Variants in NEXN observed in about 807,000 individuals in gnomAD.
NEXN encodes nexilin F-actin binding protein.
Under a neutral mutation model 92.6 loss-of-function variants are expected in NEXN, and 65 were observed. That is an observed-to-expected ratio of 0.70 (90% CI 0.57 to 0.86). NEXN has a LOEUF of 0.86. NEXN is among the 40% of genes least tolerant of loss of function. The pLI is 0.00. For missense variants in NEXN, 778 were observed against 771.1 expected, an observed-to-expected ratio of 1.01 and a Z score of -0.11; for synonymous variants, 254 against 242.5, an observed-to-expected ratio of 1.05 and a Z score of -0.44.
chr1:77,916,020 A>G (rs1648946417), intron 1 of NEXN, 35 bp from the exon 2 acceptor site: 6 of 734,976 alleles, frequency 8.2e-6, no homozygotes, highest in Non-Finnish European at 1.1e-5. Flanking sequence ...TTACAAATAA[A>G]TTAAAATTTA....
intron 9 of NEXN, among the ~76,000 whole-genome samples, chr1:77,930,458 C>A (rs1650199972): frequency 6.6e-6 from 1 of 152,148 alleles, no homozygotes; most frequent in Non-Finnish European, 1.5e-5. Flanking sequence ...TGCTTTCTTA[C>A]CTGTAACCTA....
Position 77,929,357 on chromosome 1 carries a change from T to A in NEXN, c.906T>A (p.Phe302Leu), listed in dbSNP as rs767740199. 7 of 1,613,568 alleles carry A rather than the reference T, an allele frequency of 4.3e-6. No individual in the cohort carries two copies. In the Admixed American group the frequency reaches 1.2e-4, roughly 27 times the overall value. Reference protein sequence around the residue: ...DEENQDTAKIFKGYRPGKLKL... With the variant: ...DEENQDTAKILKGYRPGKLKL... The stretch of plus-strand genomic sequence containing the variant: ...AAAACCAAGACACAGCAAAAATTTT[T>A]AAAGGGTACCGCCCTGGTAAACTCA... Residue 302 changes from phenylalanine to leucine, a missense_variant, in exon 9 of 13, where the codon TTT becomes TTA. By Grantham distance (22) the Phe-to-Leu change is conservative. Around this residue, in one of 3 missense-constraint regions of NEXN, gnomAD observed 532 missense variants for 476.7 expected, o/e 1.12. Coordinates refer to ENST00000334785, the MANE Select transcript of NEXN (RefSeq NM_144573.4).
At chr1:77,897,709 A>G (rs1470259943) in intron 1 of NEXN, among the ~76,000 whole-genome samples, 9 of 152,048 alleles carry the variant, frequency 5.9e-5, no homozygotes, top group Non-Finnish European at 1.3e-4. Flanking sequence ...AGGAAAAGAG[A>G]AAGTCAAATT....
intron 2 of NEXN, among the ~76,000 whole-genome samples, chr1:77,917,213 A>G (rs561570675): frequency 4.9e-4 from 74 of 152,324 alleles, no homozygotes; most frequent in Middle Eastern, 3.4e-3. Context: ...ATCAAATCTG[A>G]ATCTTTAATA....
intron 1 of NEXN, among the ~76,000 whole-genome samples, chr1:77,904,295 A>G (rs2102056119): frequency 6.6e-6 from 1 of 152,220 alleles, no homozygotes; most frequent in South Asian, 2.1e-4. Context: ...TCCTGGTGAT[A>G]TTTGGAATTT....
chr1:77,927,512 T>A (rs1199066383), intron 8 of NEXN, among the ~76,000 whole-genome samples: 1 of 152,118 alleles, frequency 6.6e-6, no homozygotes, highest in Non-Finnish European at 1.5e-5. Flanking sequence ...TTTGAACATA[T>A]CAAAATAACA....
intron 12 of NEXN, 53 bp from the exon 13 acceptor site, chr1:77,942,408 G>A (rs988741864): frequency 5.8e-5 from 91 of 1,571,786 alleles, no homozygotes; most frequent in Middle Eastern, 3.4e-4. Context: ...TTACTAAATC[G>A]CTGCCCTGAA....
chr1:77,938,072 G>A (rs1223982760), intron 11 of NEXN, among the ~76,000 whole-genome samples: 1 of 152,108 alleles, frequency 6.6e-6, no homozygotes, highest in African/African-American at 2.4e-5. Context: ...AGGGTATACA[G>A]TAACAATACG....
chr1:77,907,608 G>C (rs180784310), intron 1 of NEXN, among the ~76,000 whole-genome samples: 111 of 152,228 alleles, frequency 7.3e-4, no homozygotes, highest in Admixed American at 3.8e-3. Context: ...TGAGAGCTCA[G>C]AATACTAAAA....
intron 11 of NEXN, among the ~76,000 whole-genome samples, chr1:77,939,495 TAAAGA>T (rs768423826): frequency 2.0e-5 from 3 of 152,322 alleles, no homozygotes; most frequent in South Asian, 4.1e-4. Flanking sequence ...ACATGGAAGG[TAAAGA>T]AAAGTTCAAT....
chr1:77,904,663 T>G (rs1406976108), intron 1 of NEXN, among the ~76,000 whole-genome samples: 3 of 152,108 alleles, frequency 2.0e-5, no homozygotes, highest in Non-Finnish European at 4.4e-5. Flanking sequence ...CAGAGGAAAA[T>G]CAGGGAGTAA....
intron 6 of NEXN, among the ~76,000 whole-genome samples, chr1:77,925,683 A>G (rs1649788600): frequency 2.0e-5 from 3 of 152,150 alleles, no homozygotes; most frequent in Admixed American, 6.5e-5. Context: ...CAACCACAAA[A>G]ATTTTAGTCA....
At chr1:77,932,522 C>T (rs1353333213) in intron 9 of NEXN, among the ~76,000 whole-genome samples, 1 of 152,026 alleles carries the variant, frequency 6.6e-6, no homozygotes, top group Non-Finnish European at 1.5e-5. Context: ...ATGATTTTTG[C>T]CTGATTATGA....
At chr1:77,938,532 C>T (rs1650979032) in intron 11 of NEXN, among the ~76,000 whole-genome samples, 3 of 150,850 alleles carry the variant, frequency 2.0e-5, no homozygotes, top group Non-Finnish European at 4.4e-5. Flanking sequence ...GTCTATAGTC[C>T]CAGCTACTCA....
At position 77,918,389 on chromosome 1, in the gene NEXN, G is replaced by A. The variant is rs1649157037; in HGVS notation, c.447+116G>A. 2.4e-6 allele frequency: 3 copies of A among 1,236,692 alleles called. No homozygotes were observed. In the Admixed American group the frequency reaches 5.5e-5, roughly 23 times the overall value. 76.6% of individuals were successfully genotyped at this position (1,236,692 alleles called of 1,614,324 possible). A position where few individuals can be genotyped will look rare whatever the true frequency, so the allele number is the denominator to read the frequency against. ...TGTAACATAAACCTATTAAAAAGCA[G>A]CTAACCGTCTGGGAATGGTGGCTCA... On this transcript the variant is annotated intron_variant, in intron 5 of 12. Coordinates refer to ENST00000334785, the MANE Select transcript of NEXN (RefSeq NM_144573.4).
chr1:77,943,307 T>C lies in NEXN; in HGVS notation c.*478T>C, dbSNP rs1315451370. ...GAAGGAATGTCATTTCTGAGCTTTT[T>C]ACACCTAAAATTAGGCTGAAATAGC... is the stretch of plus-strand genomic sequence containing the variant. On this transcript the variant is annotated 3_prime_UTR_variant, in exon 13 of 13. Coordinates refer to ENST00000334785, the MANE Select transcript of NEXN (RefSeq NM_144573.4). 1.7e-5 allele frequency: 3 copies of C among 180,130 alleles called. No individual in the cohort carries two copies. Among genetic ancestry groups the C allele is most frequent in the African/African-American group, 7.2e-5 (3 of 41,588 alleles). The allele number at this position is 180,130 out of a possible 1,614,324, so 11.2% of individuals were successfully genotyped here.
At chr1:77,904,545 G>A (rs1647957991) in intron 1 of NEXN, among the ~76,000 whole-genome samples, 1 of 152,180 alleles carries the variant, frequency 6.6e-6, no homozygotes, top group Admixed American at 6.5e-5. Flanking sequence ...AAAGCTTTAT[G>A]TGATAGCTTT....
At chr1:77,913,998 G>A (rs754538152) in intron 1 of NEXN, among the ~76,000 whole-genome samples, 2 of 152,214 alleles carry the variant, frequency 1.3e-5, no homozygotes. Context: ...GCTACATACT[G>A]TGTGGTTCCA....
chr1:77,939,822 C>T (rs554921118), intron 11 of NEXN, among the ~76,000 whole-genome samples: 3 of 152,254 alleles, frequency 2.0e-5, no homozygotes, highest in African/African-American at 4.8e-5. Context: ...CCTGTAATTC[C>T]CAGCACTTTG....
Sources: gnomAD v4.1 joint callset for allele counts (sites outside exome capture counted in the v4.1 genomes callset) on GRCh38, gnomAD v4.1.1 for gene constraint, gnomAD v4.1.1 regional missense constraint, MANE v1.5 for transcripts, NCBI Gene and HGNC (gene_info 2026-07-23, HGNC 2026-07-21) for gene names.